NRBP1: variants seen among roughly 807,000 people sequenced by gnomAD.
NRBP1 encodes the protein nuclear receptor binding protein 1.
A neutral mutation model predicts 76.0 loss-of-function variants in NRBP1; 10 were observed. The observed-to-expected ratio is 0.13, with a 90% confidence interval of 0.08 to 0.22. NRBP1 has a LOEUF of 0.22. Ranked by LOEUF, NRBP1 falls within the 10% of genes least tolerant of loss-of-function variation. The pLI is 1.00. For missense variants in NRBP1, 344 were observed against 646.0 expected (o/e 0.53, Z 5.07); for synonymous variants, 235 against 240.2 (o/e 0.98, Z 0.20).
intron 1 of NRBP1, among the ~76,000 whole-genome samples, chr2:27,431,325 A>G (rs1055191171): frequency 6.6e-6 from 1 of 152,108 alleles, no homozygotes; most frequent in African/African-American, 2.4e-5. Context: ...AATAACCTAT[A>G]TCAGATCTAG....
chr2:27,431,390 C>G (rs1401305527), intron 1 of NRBP1, among the ~76,000 whole-genome samples: 2 of 152,172 alleles, frequency 1.3e-5, no homozygotes. Flanking sequence ...GAAATGAAAG[C>G]TGGAAGCTTA....
intron 14 of NRBP1, 73 bp downstream of exon 14, chr2:27,441,013 C>CT: frequency 1.2e-6 from 2 of 1,609,782 alleles, no homozygotes; most frequent in Non-Finnish European, 1.7e-6. Flanking sequence ...AAATAAGGCT[C>CT]TATCCTTTAG....
intron 1 of NRBP1, among the ~76,000 whole-genome samples, chr2:27,431,251 G>C (rs1664105060): frequency 1.3e-5 from 2 of 152,206 alleles, no homozygotes; most frequent in African/African-American, 4.8e-5. Flanking sequence ...AGTGAGCCGA[G>C]ATTGCACCAC....
chr2:27,433,209 G>C, intron 1 of NRBP1, 45 bp from the exon 2 acceptor site: 9 of 1,381,462 alleles, frequency 6.5e-6, no homozygotes, highest in Non-Finnish European at 9.2e-6. Context: ...GATGTATCCT[G>C]ACTTTCTCTG....
chr2:27,431,113 AC>A (rs902453052), intron 1 of NRBP1, among the ~76,000 whole-genome samples: 12 of 152,070 alleles, frequency 7.9e-5, no homozygotes, highest in African/African-American at 2.7e-4. Context: ...ATCCTGGCTA[AC>A]ACGGTGAAAC....
chr2:27,436,543 A>G, intron 7 of NRBP1: 1 of 559,290 alleles, frequency 1.8e-6, no homozygotes, highest in Admixed American at 3.2e-5. Flanking sequence ...TAGGGACATT[A>G]GATGAGAAGC....
intron 16 of NRBP1, 90 bp from the exon 17 acceptor site, chr2:27,441,477 G>T: frequency 6.7e-7 from 1 of 1,492,518 alleles, no homozygotes; most frequent in Non-Finnish European, 9.3e-7. Flanking sequence ...GGGTGGATCT[G>T]ACTGACAGTT....
chr2:27,430,478 T>TCC (rs61609483), intron 1 of NRBP1, among the ~76,000 whole-genome samples: 1 of 137,786 alleles, frequency 7.3e-6, no homozygotes, highest in African/African-American at 2.8e-5. Flanking sequence ...TCTTTTTTTT[T>TCC]TTTTTTTTGA....
Position 27,434,515 on chromosome 2 carries a change from A to G in NRBP1, c.480A>G (p.Gln160=). 1 of 1,614,168 alleles carries G rather than the reference A, an allele frequency of 6.2e-7. No homozygotes were observed. ...ACATGTCATCTGGGAGTCTGAAGCA[A>G]TTTCTGAAGAAGACCAAAAAGAACC... ...TEYMSSGSLK[Q]FLKKTKKNHK... The change falls in exon 5 of 18, where the codon CAA becomes CAG. Residue 160 remains glutamine, a synonymous_variant. Transcript: ENST00000379852.
chr2:27,440,953 TG>T lies in NRBP1; in HGVS notation c.1329+16del, dbSNP rs1416973124. The T allele has an allele frequency of 3.1e-6, 5 of 1,612,690 alleles. No homozygotes were observed. The highest frequency in any genetic ancestry group is 3.3e-5 in the Admixed American group (2 of 59,998). On this transcript the variant is annotated intron_variant, in intron 14 of 17. Transcript: ENST00000379852. ...GGAGACTCGCAAGGTGGGGGCTGTG[TG>T]GGTGTGGATTGTCTCCATGGTTGTG...
chr2:27,433,690 A>C lies in NRBP1; in HGVS notation c.228A>C (p.Val76=). Residue 76 remains valine, a synonymous_variant, in exon 3 of 18, where the codon GTA becomes GTC. Coordinates refer to ENST00000379852, the MANE Select transcript of NRBP1 (RefSeq NM_013392.4). ...CTTCTCAGGTGAATCAACGGAATGT[A>C]CCAGGTATTGACAGTGCATACCTGG... ...KRREEVNQRN[V]PGIDSAYLAM... is the part of the protein sequence containing the mutation. 2 of 1,614,086 alleles carry C rather than the reference A, an allele frequency of 1.2e-6. No individual in the cohort carries two copies. Among genetic ancestry groups the C allele is most frequent in the Non-Finnish European group, 1.7e-6 (2 of 1,179,888 alleles).
intron 1 of NRBP1, among the ~76,000 whole-genome samples, chr2:27,432,701 G>A (rs548582824): frequency 1.5e-4 from 23 of 151,524 alleles, no homozygotes; most frequent in Admixed American, 7.9e-4. Flanking sequence ...TCAGCCTCTC[G>A]GGTAGCTGGG....
At chr2:27,434,995 G>T in intron 6 of NRBP1, 138 bp from the exon 7 acceptor site, 1 of 662,710 alleles carries the variant, frequency 1.5e-6, no homozygotes, top group South Asian at 1.8e-5. Flanking sequence ...TAAATCATCA[G>T]GCATAATGGA....
chr2:27,434,300 T>C (rs704791), intron 4 of NRBP1, among the ~76,000 whole-genome samples, 171 bp from the exon 5 acceptor site: 70,605 of 152,042 alleles, frequency 0.46, 17,914 homozygotes, highest in African/African-American at 0.67. Flanking sequence ...CTTTTGCTTC[T>C]TTCTTCCCAT....
chr2:27,441,419 G>A, intron 16 of NRBP1, 89 bp downstream of exon 16: 1 of 1,427,116 alleles, frequency 7.0e-7, no homozygotes, highest in Non-Finnish European at 9.9e-7. Flanking sequence ...TGACAAGGCA[G>A]TAACACATTG....
At chr2:27,437,773 T>A (rs913546322) in intron 10 of NRBP1, among the ~76,000 whole-genome samples, 7 of 151,558 alleles carry the variant, frequency 4.6e-5, no homozygotes, top group Admixed American at 3.9e-4. Flanking sequence ...CTCAGGAGGC[T>A]GAGGCAGGAG....
intron 14 of NRBP1, 34 bp from the exon 15 acceptor site, chr2:27,441,093 A>G: frequency 6.2e-7 from 1 of 1,612,092 alleles, no homozygotes; most frequent in Non-Finnish European, 8.5e-7. Context: ...TTTTATGGAC[A>G]GGTCTCTAGA....
intron 1 of NRBP1, chr2:27,431,617 TAAC>T (rs920208063): frequency 6.6e-6 from 1 of 152,220 alleles, no homozygotes; most frequent in Non-Finnish European, 1.5e-5. Flanking sequence ...ATGAAGTCAC[TAAC>T]AACTGCCAGT....
At chr2:27,435,600 T>TTTC in intron 7 of NRBP1, 1 of 709,730 alleles carries the variant, frequency 1.4e-6, no homozygotes, top group Non-Finnish European at 2.6e-6. Flanking sequence ...GTGTACAACA[T>TTTC]TTCTGTGTGC....
Sources: allele counts gnomAD v4.1 joint callset (sites outside exome capture counted in the v4.1 genomes callset), GRCh38; gene constraint gnomAD v4.1.1; transcripts MANE v1.5; gene names NCBI Gene and HGNC (gene_info 2026-07-23, HGNC 2026-07-21).